Variants in KLF12 observed in about 807,000 individuals in gnomAD.
KLF12 encodes the protein KLF transcription factor 12.
KLF12 carries 9 observed loss-of-function variants against 37.8 expected under a neutral mutation model. The observed-to-expected ratio is 0.24, with a 90% CI of 0.14 to 0.42. The LOEUF (loss-of-function observed/expected upper bound fraction) is 0.42, where lower values mean the gene tolerates loss of function less well. KLF12 is among the 10% of genes least tolerant of loss of function. The pLI, the probability that KLF12 is intolerant of heterozygous loss-of-function variation, is 1.00. For synonymous variants in KLF12, 208 were observed against 202.1 expected (o/e 1.03, Z -0.25); for missense variants, 411 against 516.0 (o/e 0.80, Z 1.97).
chr13:74,253,660 A>T, the KLF12 span, among the ~76,000 whole-genome samples: 1 of 152,242 alleles, frequency 6.6e-6, no homozygotes, highest in Non-Finnish European at 1.5e-5. Flanking sequence ...CCAGCCTGTT[A>T]GAGCACATAG....
chr13:74,241,315 C>T, the KLF12 span, among the ~76,000 whole-genome samples: 3 of 152,284 alleles, frequency 2.0e-5, no homozygotes, highest in African/African-American at 7.2e-5. Context: ...AGATCTCCAG[C>T]TGCGTACTGG....
chr13:74,255,531 C>A, the KLF12 span, among the ~76,000 whole-genome samples: 8 of 152,110 alleles, frequency 5.3e-5, no homozygotes, highest in Admixed American at 3.3e-4. Flanking sequence ...TGTAATGAGA[C>A]CTAAAATGGA....
At chr13:74,026,566 TA>T (rs1892980378) in intron 1 of KLF12, among the ~76,000 whole-genome samples, 1 of 152,198 alleles carries the variant, frequency 6.6e-6, no homozygotes, top group Non-Finnish European at 1.5e-5. Context: ...CCATGTTAGA[TA>T]CAGTTACATG....
At chr13:74,108,300 T>A (rs1212990751) in intron 1 of KLF12, among the ~76,000 whole-genome samples, 1 of 152,194 alleles carries the variant, frequency 6.6e-6, no homozygotes, top group Non-Finnish European at 1.5e-5. Context: ...CTATTAGCAA[T>A]TCAGATGACC....
intron 2 of KLF12, among the ~76,000 whole-genome samples, chr13:73,952,098 G>T (rs1255539548): frequency 6.6e-6 from 1 of 152,126 alleles, no homozygotes; most frequent in East Asian, 1.9e-4. Context: ...ACAGAATTTG[G>T]CATGGCTAAA....
the KLF12 span, among the ~76,000 whole-genome samples, chr13:74,304,703 T>A: frequency 6.6e-6 from 1 of 151,988 alleles, no homozygotes; most frequent in Non-Finnish European, 1.5e-5. Flanking sequence ...ACGGCCCAGT[T>A]CATTGGAGGG....
intron 1 of KLF12, among the ~76,000 whole-genome samples, chr13:74,029,148 T>C (rs1177308756): frequency 6.6e-6 from 1 of 152,098 alleles, no homozygotes; most frequent in East Asian, 1.9e-4. Flanking sequence ...TAATAAACAG[T>C]GGGACTAAGA....
intron 3 of KLF12, among the ~76,000 whole-genome samples, chr13:73,928,317 G>T (rs1277863912): frequency 6.6e-6 from 1 of 152,148 alleles, no homozygotes; most frequent in African/African-American, 2.4e-5. Context: ...TCTCACAATG[G>T]TTACAATTAT....
At chr13:74,169,128 T>G in the KLF12 span, among the ~76,000 whole-genome samples, 94 of 152,352 alleles carry the variant, frequency 6.2e-4, no homozygotes, top group African/African-American at 1.7e-3. Flanking sequence ...ATTGACTAAT[T>G]ATGGACGAAA....
intron 3 of KLF12, among the ~76,000 whole-genome samples, chr13:73,909,572 T>G (rs980059508): frequency 2.6e-5 from 4 of 152,186 alleles, no homozygotes; most frequent in Non-Finnish European, 5.9e-5. Flanking sequence ...CTAAACAGAT[T>G]GCTCATTTTC....
At chr13:73,751,108 T>C (rs944318195) in intron 6 of KLF12, among the ~76,000 whole-genome samples, 5 of 152,206 alleles carry the variant, frequency 3.3e-5, no homozygotes, top group African/African-American at 9.7e-5. Flanking sequence ...TTCCATGGTG[T>C]ATATGTGATA....
chr13:74,170,399 C>T, the KLF12 span, among the ~76,000 whole-genome samples: 1 of 152,156 alleles, frequency 6.6e-6, no homozygotes, highest in South Asian at 2.1e-4. Flanking sequence ...GGGAATTGGG[C>T]ATTATTATCG....
the KLF12 span, among the ~76,000 whole-genome samples, chr13:74,180,187 ATAG>A: frequency 6.6e-6 from 1 of 152,124 alleles, no homozygotes; most frequent in African/African-American, 2.4e-5. Context: ...ACCTGAACTA[ATAG>A]TAGGTGTTTA....
intron 3 of KLF12, among the ~76,000 whole-genome samples, chr13:73,934,742 T>C (rs1393186237): frequency 1.3e-5 from 2 of 152,052 alleles, no homozygotes; most frequent in Admixed American, 6.6e-5. Flanking sequence ...CTGGGATTTG[T>C]GAGTTTATAG....
At chr13:74,220,464 C>A in the KLF12 span, among the ~76,000 whole-genome samples, 215 of 152,214 alleles carry the variant, frequency 1.4e-3, 1 homozygote, top group African/African-American at 4.8e-3. Context: ...TATATGTATA[C>A]AAAGTGGAAT....
At chr13:73,962,816 T>G (rs1348065475) in intron 2 of KLF12, among the ~76,000 whole-genome samples, 1 of 152,206 alleles carries the variant, frequency 6.6e-6, no homozygotes, top group Non-Finnish European at 1.5e-5. Flanking sequence ...GTACTATAAT[T>G]AATATTTAGA....
chr13:73,895,072 C>T (rs1452920280), intron 3 of KLF12, among the ~76,000 whole-genome samples: 5 of 152,160 alleles, frequency 3.3e-5, no homozygotes, highest in Non-Finnish European at 5.9e-5. Flanking sequence ...TGGGTATTTC[C>T]ATTTATGAAC....
At chr13:73,874,696 G>A (rs1234056624) in intron 3 of KLF12, among the ~76,000 whole-genome samples, 1 of 152,158 alleles carries the variant, frequency 6.6e-6, no homozygotes, top group Non-Finnish European at 1.5e-5. Flanking sequence ...CTTACCTTGA[G>A]TGAAACCATT....
chr13:74,271,951 T>C, the KLF12 span, among the ~76,000 whole-genome samples: 1 of 152,232 alleles, frequency 6.6e-6, no homozygotes, highest in African/African-American at 2.4e-5. Context: ...TAAAAAACTT[T>C]CTGAAAACTC....
Sources: gnomAD v4.1 joint callset for allele counts (sites outside exome capture counted in the v4.1 genomes callset) on GRCh38, gnomAD v4.1.1 for gene constraint, MANE v1.5 for transcripts, NCBI Gene and HGNC (gene_info 2026-07-23, HGNC 2026-07-21) for gene names.